MTUS2: variants seen among roughly 807,000 people sequenced by gnomAD.
MTUS2 encodes microtubule-associated tumor suppressor candidate 2.
MTUS2 carries 40 observed loss-of-function variants against 114.1 expected under a neutral mutation model. The ratio of observed to expected loss-of-function variants is 0.35; its 90% CI spans 0.27 to 0.46. MTUS2 has a LOEUF of 0.46. Ranked by LOEUF, MTUS2 falls within the 20% of genes least tolerant of loss-of-function variation. The pLI is 1.00. For missense variants in MTUS2, 1,679 were observed against 1,705.4 expected, an observed-to-expected ratio of 0.98 and a Z score of 0.27; for synonymous variants, 688 against 672.0, an observed-to-expected ratio of 1.02 and a Z score of -0.37.
chr13:29,080,707 A>C (rs1282936191), intron 4 of MTUS2, among the ~76,000 whole-genome samples: 5 of 151,918 alleles, frequency 3.3e-5, no homozygotes, highest in Non-Finnish European at 4.4e-5. Context: ...CCACTGACTC[A>C]AATGTTAATC....
intron 5 of MTUS2, among the ~76,000 whole-genome samples, chr13:29,136,019 C>T (rs533570442): frequency 6.6e-6 from 1 of 152,214 alleles, no homozygotes; most frequent in Non-Finnish European, 1.5e-5. Flanking sequence ...ACTCTTAAGT[C>T]CCATAGAAAA....
At chr13:29,133,215 TTTTTTG>T (rs1304394679) in intron 5 of MTUS2, among the ~76,000 whole-genome samples, 1 of 152,170 alleles carries the variant, frequency 6.6e-6, no homozygotes, top group Non-Finnish European at 1.5e-5. Flanking sequence ...GTATTGTTTG[TTTTTTG>T]TTATTGAGTT....
chr13:28,967,498 G>A lies in MTUS2; in HGVS notation c.-242-56959G>A, dbSNP rs967394796. Reference sequence around the variant, plus strand: ...TAAGAGACTCTTGATTTACCCAACAGAGAACGTGCTGTAGGAACTAAAGCA... The same window carrying A: ...TAAGAGACTCTTGATTTACCCAACAAAGAACGTGCTGTAGGAACTAAAGCA... On this transcript the variant is annotated intron_variant, in intron 2 of 15. Coordinates refer to ENST00000612955, the MANE Select transcript of MTUS2 (RefSeq NM_001033602.4). Among the ~76,000 whole-genome samples, 14 of 152,296 alleles carry A rather than the reference G, an allele frequency of 9.2e-5. 1 individual carries two copies. In the East Asian group the frequency reaches 2.7e-3, roughly 29 times the overall value.
chr13:28,984,381 T>C (rs1045306484), intron 2 of MTUS2, among the ~76,000 whole-genome samples: 1 of 152,248 alleles, frequency 6.6e-6, no homozygotes, highest in Non-Finnish European at 1.5e-5. Context: ...CTTCCTAGTA[T>C]CCATAAAAGG....
intron 8 of MTUS2, among the ~76,000 whole-genome samples, chr13:29,402,909 G>T (rs1008736471): frequency 1.3e-5 from 2 of 152,016 alleles, no homozygotes; most frequent in Admixed American, 1.3e-4. Context: ...GCTAATTTTT[G>T]TATTTTTAGT....
chr13:28,849,537 T>G (rs558111898), intron 2 of MTUS2, among the ~76,000 whole-genome samples: 3 of 152,304 alleles, frequency 2.0e-5, no homozygotes, highest in African/African-American at 7.2e-5. Flanking sequence ...TTAGAGGAAC[T>G]AGAAACTGAG....
At chr13:29,225,746 T>A (rs1375036832) in intron 5 of MTUS2, among the ~76,000 whole-genome samples, 1 of 152,226 alleles carries the variant, frequency 6.6e-6, no homozygotes, top group Non-Finnish European at 1.5e-5. Flanking sequence ...ATTATCGCTG[T>A]GCTCATGTGC....
At chr13:28,926,585 A>G (rs1042721153) in intron 2 of MTUS2, among the ~76,000 whole-genome samples, 1 of 152,226 alleles carries the variant, frequency 6.6e-6, no homozygotes, top group Admixed American at 6.5e-5. Context: ...TGGGTACTGC[A>G]GGAGAAAGAG....
intron 2 of MTUS2, among the ~76,000 whole-genome samples, chr13:29,018,639 A>T (rs1414019011): frequency 6.6e-6 from 1 of 152,102 alleles, no homozygotes; most frequent in Non-Finnish European, 1.5e-5. Context: ...GTGCGCCTGT[A>T]ATCCCAGCTA....
At chr13:29,284,207 C>T (rs1361911052) in intron 6 of MTUS2, among the ~76,000 whole-genome samples, 2 of 152,018 alleles carry the variant, frequency 1.3e-5, no homozygotes, top group Admixed American at 1.3e-4. Flanking sequence ...CCACAGGATG[C>T]GGTACTATGT....
chr13:28,966,152 G>A (rs1035950647), intron 2 of MTUS2, among the ~76,000 whole-genome samples: 4 of 152,064 alleles, frequency 2.6e-5, no homozygotes, highest in Non-Finnish European at 5.9e-5. Context: ...CTTTAATCAC[G>A]GGGTTATTTT....
intron 9 of MTUS2, among the ~76,000 whole-genome samples, chr13:29,462,136 G>A (rs1379168676): frequency 1.3e-5 from 2 of 152,218 alleles, no homozygotes; most frequent in African/African-American, 4.8e-5. Flanking sequence ...GAAGAGGGTG[G>A]AGCCCAAGAA....
chr13:29,449,648 C>A (rs981586686), intron 9 of MTUS2, among the ~76,000 whole-genome samples: 2 of 150,160 alleles, frequency 1.3e-5, no homozygotes, highest in Admixed American at 1.4e-4. Context: ...AGCATTCGCA[C>A]CCTGACCACC....
intron 5 of MTUS2, among the ~76,000 whole-genome samples, chr13:29,266,937 CAG>C (rs1897688576): frequency 6.6e-6 from 1 of 152,180 alleles, no homozygotes; most frequent in Non-Finnish European, 1.5e-5. Flanking sequence ...GGGAAAGATT[CAG>C]ATACCAGAAA....
chr13:29,477,392 C>T (rs916360606), intron 9 of MTUS2, among the ~76,000 whole-genome samples: 1 of 152,162 alleles, frequency 6.6e-6, no homozygotes, highest in African/African-American at 2.4e-5. Flanking sequence ...ATCCTGATTA[C>T]TTTTTCTTAG....
intron 6 of MTUS2, among the ~76,000 whole-genome samples, chr13:29,322,009 A>G (rs182503010): frequency 6.6e-6 from 1 of 152,186 alleles, no homozygotes; most frequent in Non-Finnish European, 1.5e-5. Flanking sequence ...CACAGTTCAT[A>G]TAACTTATGT....
chr13:28,882,187 G>A (rs1196739886), intron 2 of MTUS2, among the ~76,000 whole-genome samples: 1 of 151,980 alleles, frequency 6.6e-6, no homozygotes, highest in Non-Finnish European at 1.5e-5. Context: ...AGCCTCCTGA[G>A]TAGCTGGGAT....
intron 4 of MTUS2, among the ~76,000 whole-genome samples, chr13:29,066,192 C>T (rs1055468941): frequency 2.6e-5 from 4 of 152,230 alleles, no homozygotes; most frequent in Admixed American, 2.6e-4. Flanking sequence ...TGATCACCCT[C>T]TCTCCAGTGA....
chr13:29,064,547 G>C (rs921011056), intron 4 of MTUS2, among the ~76,000 whole-genome samples: 6 of 152,076 alleles, frequency 3.9e-5, no homozygotes, highest in Non-Finnish European at 8.8e-5. Context: ...TGTAGTGTAA[G>C]CACAAGATAA....
Sources: allele counts gnomAD v4.1 joint callset (sites outside exome capture counted in the v4.1 genomes callset), GRCh38; gene constraint gnomAD v4.1.1; transcripts MANE v1.5; gene names NCBI Gene and HGNC (gene_info 2026-07-23, HGNC 2026-07-21).